Variants in MEGF10 observed in about 807,000 individuals in gnomAD.
MEGF10 encodes the protein multiple EGF like domains 10.
A neutral mutation model predicts 147.5 loss-of-function variants in MEGF10; 86 were observed. That is an observed-to-expected ratio of 0.58 (90% CI 0.49 to 0.70). The LOEUF is 0.70. MEGF10 is among the 30% of genes least tolerant of loss of function. The pLI, the probability that MEGF10 is intolerant of heterozygous loss-of-function variation, is 0.00. For synonymous variants in MEGF10, 478 were observed against 525.5 expected, an observed-to-expected ratio of 0.91 and a Z score of 1.24; for missense variants, 1,329 against 1,487.3, an observed-to-expected ratio of 0.89 and a Z score of 1.75.
intron 4 of MEGF10, among the ~76,000 whole-genome samples, chr5:127,353,823 G>C (rs1762179055): frequency 6.6e-6 from 1 of 152,246 alleles, no homozygotes; most frequent in Non-Finnish European, 1.5e-5. Context: ...AGGCAAGTGT[G>C]GCTTGTAAGA....
intron 3 of MEGF10, 150 bp downstream of exon 3, chr5:127,339,371 G>A (rs1761591206): frequency 1.7e-6 from 1 of 575,492 alleles, no homozygotes; most frequent in Admixed American, 3.1e-5. Flanking sequence ...CAAATCACAG[G>A]GGATGTAGAA....
the MEGF10 span, among the ~76,000 whole-genome samples, chr5:127,267,370 G>C: frequency 1.3e-5 from 2 of 152,120 alleles, no homozygotes; most frequent in Non-Finnish European, 2.9e-5. Context: ...CAGGGATATT[G>C]GTGTAAAATT....
chr5:127,410,116 G>T lies in MEGF10; in HGVS notation c.918-273G>T, dbSNP rs571966384. Among the ~76,000 whole-genome samples the T allele has an allele frequency of 1.1e-4, 17 of 152,278 alleles. 1 individual carries two copies. In the East Asian group the frequency reaches 2.9e-3, roughly 26 times the overall value. On this transcript the variant is annotated intron_variant, in intron 8 of 24. Coordinates refer to ENST00000503335, the MANE Select transcript of MEGF10 (RefSeq NM_001256545.2). ...AGCACTAAGTGTAAACATGCCTCAT[G>T]TCCTAAGCTCCTATTTTTGTTTTGG...
At chr5:127,371,203 G>GTT (rs1762838427) in intron 5 of MEGF10, among the ~76,000 whole-genome samples, 1 of 112,966 alleles carries the variant, frequency 8.9e-6, no homozygotes, top group Non-Finnish European at 2.1e-5. Flanking sequence ...GTGTGTGTGT[G>GTT]TGTGTGTGTG....
chr5:127,370,668 A>G (rs1248401121), intron 5 of MEGF10, among the ~76,000 whole-genome samples: 1 of 152,220 alleles, frequency 6.6e-6, no homozygotes, highest in African/African-American at 2.4e-5. Context: ...AACATTTCAT[A>G]TGCATTATCA....
intron 5 of MEGF10, among the ~76,000 whole-genome samples, chr5:127,372,380 C>G (rs191335871): frequency 6.6e-6 from 1 of 152,282 alleles, no homozygotes; most frequent in East Asian, 1.9e-4. Flanking sequence ...GTGCTCAAAC[C>G]CAGTCTCCCC....
chr5:127,373,547 C>T (rs1762921507), intron 5 of MEGF10, among the ~76,000 whole-genome samples: 1 of 152,100 alleles, frequency 6.6e-6, no homozygotes, highest in Non-Finnish European at 1.5e-5. Flanking sequence ...TTAATTTTTC[C>T]TACTGCAGCC....
At chr5:127,290,675 C>T (rs1759205740), upstream of MEGF10, among the ~76,000 whole-genome samples, 1 of 152,220 alleles carries the variant, frequency 6.6e-6, no homozygotes, top group Non-Finnish European at 1.5e-5. Flanking sequence ...CTGCGCGCGG[C>T]GCCAAGCGAC....
At chr5:127,256,530 C>T in the MEGF10 span, among the ~76,000 whole-genome samples, 3 of 152,122 alleles carry the variant, frequency 2.0e-5, no homozygotes, top group African/African-American at 7.2e-5. Context: ...CCCCACAATC[C>T]TGCTCCATGG....
chr5:127,419,135 A>G lies in MEGF10; in HGVS notation c.1321A>G (p.Thr441Ala). 6.2e-7 allele frequency: 1 copy of G among 1,613,738 alleles called. No individual in the cohort carries two copies. Among genetic ancestry groups the G allele is most frequent in the Non-Finnish European group, 8.5e-7 (1 of 1,179,916 alleles). Reference protein sequence around the residue: ...APGFKGIDCSTPCPLGTYGIN... With the variant: ...APGFKGIDCSAPCPLGTYGIN... ...GCCTGTCTAGGGAATTGACTGCTCT[A>G]CCCCATGCCCTCTGGGAACCTATGG... Residue 441 changes from threonine (T) to alanine (A), a missense_variant, in exon 11 of 25, where the codon ACC becomes GCC. Transcript: ENST00000503335.
intron 8 of MEGF10, among the ~76,000 whole-genome samples, chr5:127,410,101 G>A (rs533970901): frequency 2.6e-5 from 4 of 152,304 alleles, no homozygotes; most frequent in African/African-American, 9.6e-5. Flanking sequence ...AGCACTAAGT[G>A]TAAACATGCC....
At chr5:127,409,262 A>G (rs1737626917) in intron 8 of MEGF10, among the ~76,000 whole-genome samples, 1 of 152,218 alleles carries the variant, frequency 6.6e-6, no homozygotes, top group Non-Finnish European at 1.5e-5. Context: ...TACTGCTCAC[A>G]TGATACAGAT....
At chr5:127,266,908 T>C in the MEGF10 span, among the ~76,000 whole-genome samples, 28 of 152,224 alleles carry the variant, frequency 1.8e-4, no homozygotes, top group African/African-American at 6.8e-4. Flanking sequence ...TTGAATACGC[T>C]TTATTTCTTT....
intron 19 of MEGF10, 144 bp downstream of exon 19, chr5:127,443,270 C>A: frequency 1.2e-6 from 1 of 854,522 alleles, no homozygotes; most frequent in Non-Finnish European, 1.6e-6. Context: ...ATTTAATTGC[C>A]AGATGAATGC....
chr5:127,298,928 AG>A (rs1191844669), intron 1 of MEGF10, among the ~76,000 whole-genome samples: 1 of 152,210 alleles, frequency 6.6e-6, no homozygotes, highest in African/African-American at 2.4e-5. Flanking sequence ...AAGGAGGTCA[AG>A]GCCTTCCACA....
chr5:127,361,241 C>G (rs1762460805), intron 4 of MEGF10, among the ~76,000 whole-genome samples: 1 of 151,876 alleles, frequency 6.6e-6, no homozygotes, highest in African/African-American at 2.4e-5. Context: ...TAGGTCCATT[C>G]AGGTTATTTA....
intron 4 of MEGF10, among the ~76,000 whole-genome samples, chr5:127,349,733 A>G (rs933291115): frequency 6.6e-6 from 1 of 150,956 alleles, no homozygotes; most frequent in African/African-American, 2.4e-5. Context: ...TGAAGATTTT[A>G]AATATCAGAG....
intron 4 of MEGF10, among the ~76,000 whole-genome samples, chr5:127,365,798 G>A: frequency 6.6e-6 from 1 of 152,160 alleles, no homozygotes; most frequent in East Asian, 1.9e-4. Flanking sequence ...AAATCATATT[G>A]GATAGATTAT....
chr5:127,438,563 T>C lies in MEGF10; in HGVS notation c.2229T>C (p.Thr743=). The change falls in exon 17 of 25, where the codon ACT becomes ACC. Residue 743 remains threonine, a synonymous_variant. Transcript: ENST00000503335. The stretch of plus-strand genomic sequence containing the variant: ...CTGGCTGGACAGGGCTCTACTGCAC[T>C]CAGAGTAAGTGACAAGCCTTCTGAG... The part of the protein sequence containing the change: ...CTPGWTGLYC[T]QRCPLGFYGK... 6.2e-6 allele frequency: 10 copies of C among 1,613,872 alleles called. No homozygotes were observed. Among genetic ancestry groups the C allele is most frequent in the Non-Finnish European group, 6.8e-6 (8 of 1,179,858 alleles).
Sources: gnomAD v4.1 joint callset for allele counts (sites outside exome capture counted in the v4.1 genomes callset) on GRCh38, gnomAD v4.1.1 for gene constraint, MANE v1.5 for transcripts, NCBI Gene and HGNC (gene_info 2026-07-23, HGNC 2026-07-21) for gene names.